The following TDRD7 variants were observed in gnomAD, a reference collection of about 807,000 sequenced individuals.
TDRD7 encodes tudor domain containing 7, also known as tudor domain-containing protein 7.
Under a neutral mutation model 109.8 loss-of-function variants are expected in TDRD7, and 47 were observed. The ratio of observed to expected loss-of-function variants is 0.43; its 90% CI spans 0.34 to 0.55. TDRD7 has a LOEUF of 0.55. Ranked by LOEUF, TDRD7 falls within the 20% of genes least tolerant of loss-of-function variation. The pLI is 0.03. For missense variants in TDRD7, 1,164 were observed against 1,319.2 expected (o/e 0.88, Z 1.82); for synonymous variants, 424 against 457.3 (o/e 0.93, Z 0.93).
At chr9:97,424,656 CT>C (rs1199051288) in intron 1 of TDRD7, among the ~76,000 whole-genome samples, 3 of 151,988 alleles carry the variant, frequency 2.0e-5, no homozygotes, top group Non-Finnish European at 4.4e-5. Context: ...TTTCTTTTTA[CT>C]TTTAACCTAT....
At chr9:97,448,990 G>A (rs753545910) in intron 6 of TDRD7, among the ~76,000 whole-genome samples, 4 of 152,120 alleles carry the variant, frequency 2.6e-5, no homozygotes, top group Non-Finnish European at 1.5e-5. Context: ...TTGGCTTCAA[G>A]AACTTTTAAG....
intron 4 of TDRD7, 144 bp downstream of exon 4, chr9:97,432,382 C>G (rs1265014840): frequency 2.7e-6 from 2 of 735,650 alleles, no homozygotes; most frequent in Admixed American, 4.1e-5. Context: ...GTTAAGTTCA[C>G]TTCTAGCTGC....
At chr9:97,429,656 C>T (rs1470160607) in intron 2 of TDRD7, among the ~76,000 whole-genome samples, 3 of 152,206 alleles carry the variant, frequency 2.0e-5, no homozygotes, top group African/African-American at 7.2e-5. Context: ...TATGCTTTGG[C>T]ATCCCTGATC....
intron 7 of TDRD7, among the ~76,000 whole-genome samples, chr9:97,461,646 A>T (rs1364195447): frequency 2.6e-5 from 4 of 152,238 alleles, no homozygotes; most frequent in Admixed American, 6.5e-5. Context: ...ATACGTGGAA[A>T]ATATAGAAAG....
intron 7 of TDRD7, among the ~76,000 whole-genome samples, chr9:97,464,381 C>T (rs941699838): frequency 2.0e-5 from 3 of 152,162 alleles, no homozygotes; most frequent in Admixed American, 6.5e-5. Context: ...GAGGGAGTCT[C>T]ACTCTGTCAT....
At chr9:97,449,786 A>G (rs901698667) in intron 6 of TDRD7, among the ~76,000 whole-genome samples, 2 of 152,208 alleles carry the variant, frequency 1.3e-5, no homozygotes, top group Non-Finnish European at 2.9e-5. Flanking sequence ...TCTGGTAAGC[A>G]GCCCTACCCT....
chr9:97,491,874 A>T (rs905731412), intron 16 of TDRD7, among the ~76,000 whole-genome samples: 12 of 152,140 alleles, frequency 7.9e-5, no homozygotes, highest in Admixed American at 6.5e-4. Context: ...CCTGATATTC[A>T]CTGTGAGTAC....
intron 1 of TDRD7, among the ~76,000 whole-genome samples, chr9:97,413,976 C>T (rs565195495): frequency 2.6e-5 from 4 of 152,320 alleles, no homozygotes; most frequent in African/African-American, 9.6e-5. Flanking sequence ...TAGCTGGATA[C>T]TTAATGTGAA....
intron 8 of TDRD7, among the ~76,000 whole-genome samples, chr9:97,466,026 C>G (rs1828816939): frequency 6.6e-6 from 1 of 152,074 alleles, no homozygotes. Context: ...TTTTGGTTTT[C>G]TCTAGATTTT....
At chr9:97,491,062 T>C (rs767664632) in intron 16 of TDRD7, among the ~76,000 whole-genome samples, 10 of 151,930 alleles carry the variant, frequency 6.6e-5, no homozygotes, top group East Asian at 1.9e-4. Context: ...ACTACAGGCA[T>C]GCACCACCAC....
intron 1 of TDRD7, among the ~76,000 whole-genome samples, chr9:97,413,055 A>G (rs1237440236): frequency 6.6e-6 from 1 of 152,216 alleles, no homozygotes. Context: ...CTGGCCCAGA[A>G]GAATTCTGAT....
At chr9:97,467,124 G>A (rs539188742) in intron 8 of TDRD7, among the ~76,000 whole-genome samples, 20 of 152,118 alleles carry the variant, frequency 1.3e-4, no homozygotes, top group African/African-American at 3.1e-4. Context: ...ATCCCTAAAC[G>A]TTCCTAGATA....
At chr9:97,439,893 T>A (rs1828270243) in intron 5 of TDRD7, among the ~76,000 whole-genome samples, 1 of 152,218 alleles carries the variant, frequency 6.6e-6, no homozygotes, top group African/African-American at 2.4e-5. Flanking sequence ...AACCACTTGT[T>A]ATCTTTTCTT....
chr9:97,437,529 A>G (rs969556795), intron 4 of TDRD7, among the ~76,000 whole-genome samples: 3 of 152,168 alleles, frequency 2.0e-5, no homozygotes, highest in Non-Finnish European at 4.4e-5. Context: ...GAAGTCTTCT[A>G]TTGATTAGAA....
chr9:97,482,729 AT>A, intron 14 of TDRD7, 119 bp from the exon 15 acceptor site: 1 of 1,039,358 alleles, frequency 9.6e-7, no homozygotes, highest in Non-Finnish European at 1.4e-6. Flanking sequence ...CTTAAATAAA[AT>A]GGATTTTAGC....
intron 1 of TDRD7, among the ~76,000 whole-genome samples, chr9:97,425,618 A>AAC (rs143439858): frequency 2.4e-4 from 37 of 151,426 alleles, no homozygotes; most frequent in East Asian, 2.1e-3. Context: ...TATACACACA[A>AAC]ACACACACAC....
chr9:97,426,758 G>C (rs185824662), intron 1 of TDRD7, among the ~76,000 whole-genome samples: 27 of 152,204 alleles, frequency 1.8e-4, no homozygotes, highest in Admixed American at 1.8e-3. Context: ...GTAGATTTTT[G>C]TTTGCTATTG....
chr9:97,433,865 A>G (rs1393112741), intron 4 of TDRD7, among the ~76,000 whole-genome samples: 1 of 152,182 alleles, frequency 6.6e-6, no homozygotes, highest in Non-Finnish European at 1.5e-5. Flanking sequence ...GCAGAAAATA[A>G]CAAGTGCTGG....
At chr9:97,422,314 T>C (rs1310275651) in intron 1 of TDRD7, among the ~76,000 whole-genome samples, 1 of 152,060 alleles carries the variant, frequency 6.6e-6, no homozygotes, top group Admixed American at 6.5e-5. Context: ...AAGAATCACC[T>C]GAACCCAGGA....
Sources: allele counts gnomAD v4.1 joint callset (sites outside exome capture counted in the v4.1 genomes callset), GRCh38; gene constraint gnomAD v4.1.1; transcripts MANE v1.5; gene names NCBI Gene and HGNC (gene_info 2026-07-23, HGNC 2026-07-21).